LSM14A: variants seen among roughly 807,000 people sequenced by gnomAD.
LSM14A encodes LSM14A mRNA processing body assembly factor, also known as protein LSM14 homolog A.
LSM14A carries 14 observed loss-of-function variants against 52.4 expected under a neutral mutation model. The observed-to-expected ratio is 0.27, with a 90% confidence interval of 0.18 to 0.42. The LOEUF (loss-of-function observed/expected upper bound fraction) is 0.42. Among genes scored for constraint, LSM14A ranks in the 10% least tolerant of loss-of-function variants. The probability of loss-of-function intolerance (pLI) is 1.00; values close to 1 mark genes in which losing one functional copy is unlikely to be tolerated. For synonymous variants in LSM14A, 185 were observed against 200.3 expected (o/e 0.92, Z 0.64); for missense variants, 417 against 581.8 (o/e 0.72, Z 2.91).
intron 4 of LSM14A, among the ~76,000 whole-genome samples, chr19:34,213,245 A>G (rs920784463): frequency 1.3e-5 from 2 of 152,202 alleles, no homozygotes; most frequent in East Asian, 1.9e-4. Flanking sequence ...ATTTCCCATT[A>G]TAATCCAGTG....
At chr19:34,192,520 G>C (rs146732353) in intron 1 of LSM14A, among the ~76,000 whole-genome samples, 2,753 of 149,286 alleles carry the variant, frequency 0.018, 38 homozygotes, top group South Asian at 0.031. Flanking sequence ...AGTAGAGATG[G>C]GGTTTCACCA....
chr19:34,187,622 C>T (rs1419139650), intron 1 of LSM14A, among the ~76,000 whole-genome samples: 2 of 152,132 alleles, frequency 1.3e-5, no homozygotes, highest in Non-Finnish European at 2.9e-5. Flanking sequence ...TTGGAGGGTA[C>T]TAGCTTCACT....
Position 34,197,002 on chromosome 19 carries a change from A to G in LSM14A, c.415+239A>G, listed in dbSNP as rs574080972. Reference sequence around the variant, plus strand: ...TTTTTACTAGGTAAAAAAAAAATGGATATACTAGGTATATCCAATATCTAC... The same window carrying G: ...TTTTTACTAGGTAAAAAAAAAATGGGTATACTAGGTATATCCAATATCTAC... On this transcript the variant is annotated intron_variant, in intron 3 of 9. Coordinates refer to ENST00000544216, the MANE Select transcript of LSM14A (RefSeq NM_015578.4). Among the ~76,000 whole-genome samples the G allele has an allele frequency of 3.3e-5, 5 of 151,978 alleles. No homozygotes were observed. In the South Asian group the frequency reaches 1.0e-3, roughly 32 times the overall value.
At chr19:34,175,358 G>A (rs1321040668) in intron 1 of LSM14A, among the ~76,000 whole-genome samples, 1 of 152,022 alleles carries the variant, frequency 6.6e-6, no homozygotes, top group African/African-American at 2.4e-5. Context: ...AGCCTCCTGA[G>A]TAGCTGGGAT....
intron 2 of LSM14A, among the ~76,000 whole-genome samples, chr19:34,195,882 C>T (rs2070800236): frequency 6.6e-6 from 1 of 152,196 alleles, no homozygotes; most frequent in Admixed American, 6.5e-5. Flanking sequence ...TTCCAATCAT[C>T]ATAAACTTCT....
chr19:34,209,628 TCTCATAATTTTA>T (rs1490410915), intron 4 of LSM14A, among the ~76,000 whole-genome samples: 1 of 152,224 alleles, frequency 6.6e-6, no homozygotes, highest in African/African-American at 2.4e-5. Context: ...AACCAGCCAG[TCTCATAATTTTA>T]AATGGTTATC....
chr19:34,215,782 C>A (rs970872472), intron 6 of LSM14A, 121 bp downstream of exon 6: 11 of 694,072 alleles, frequency 1.6e-5, no homozygotes, highest in Non-Finnish European at 2.7e-5. Flanking sequence ...AAAGGAGGAG[C>A]ACAGGGGAGT....
At position 34,228,669 on chromosome 19, in the gene LSM14A, CTT is replaced by C. The variant is rs1230869414; in HGVS notation, c.*1284_*1285del. On this transcript the variant is annotated 3_prime_UTR_variant, in exon 10 of 10. Coordinates refer to ENST00000544216, the MANE Select transcript of LSM14A (RefSeq NM_015578.4). Reference sequence around the variant, plus strand: ...AGCTCTAGTGGGAAAAATCTGGCCACTTTTGTGTTTTTATGAAGGCCATGGAA... The same window carrying C: ...AGCTCTAGTGGGAAAAATCTGGCCACTTGTGTTTTTATGAAGGCCATGGAA... The C allele has an allele frequency of 1.3e-5, 2 of 152,488 alleles. No homozygotes were observed. Among genetic ancestry groups the C allele is most frequent in the African/African-American group, 2.4e-5 (1 of 41,378 alleles). The allele number at this position is 152,488 out of a possible 1,614,324, so 9.4% of individuals were successfully genotyped here. A position where few individuals can be genotyped will look rare whatever the true frequency, so the allele number is the denominator to read the frequency against.
chr19:34,194,141 C>T (rs1467278252), intron 1 of LSM14A, among the ~76,000 whole-genome samples: 1 of 152,090 alleles, frequency 6.6e-6, no homozygotes, highest in African/African-American at 2.4e-5. Context: ...CCACTGCACT[C>T]CAGCCTAGGG....
intron 9 of LSM14A, among the ~76,000 whole-genome samples, chr19:34,224,397 C>T (rs1651804): frequency 6.6e-6 from 1 of 152,008 alleles, no homozygotes; most frequent in Non-Finnish European, 1.5e-5. Context: ...CTAATACAAA[C>T]ATTTTTTTGA....
chr19:34,203,062 A>G (rs986805982), intron 3 of LSM14A, among the ~76,000 whole-genome samples: 2 of 152,216 alleles, frequency 1.3e-5, no homozygotes, highest in African/African-American at 4.8e-5. Context: ...CTCACAATAA[A>G]TGAAGCATCA....
rs769390431 is a variant in LSM14A, at chr19:34,221,508, G to T, written c.1138G>T (p.Glu380Ter). The change falls in exon 9 of 10, where the codon GAA becomes TAA. Residue 380 changes from glutamate to a stop codon, truncating the protein, a stop_gained and splice_region_variant. Transcript: ENST00000544216. LOFTEE classifies it high-confidence loss of function. ...FDNISCDDNR[E>*]RRPTWAEERR... ...GAAGATTATTTGCTTTTATAATAGAGAACGGAGACCAACCTGGGCTGAAGA... is the reference window on the plus strand; with the variant it reads ...GAAGATTATTTGCTTTTATAATAGATAACGGAGACCAACCTGGGCTGAAGA... 1 of 1,612,894 alleles carries T rather than the reference G, an allele frequency of 6.2e-7. No individual in the cohort carries two copies.
intron 6 of LSM14A, among the ~76,000 whole-genome samples, chr19:34,216,480 A>G (rs980021964): frequency 1.3e-5 from 2 of 150,172 alleles, no homozygotes; most frequent in Admixed American, 6.6e-5. Flanking sequence ...TTTTTCTGAG[A>G]TGGAGTTTCA....
At chr19:34,177,272 ACAT>A (rs1390056029) in intron 1 of LSM14A, among the ~76,000 whole-genome samples, 4 of 152,116 alleles carry the variant, frequency 2.6e-5, no homozygotes, top group Non-Finnish European at 4.4e-5. Flanking sequence ...TTTTTTTAAA[ACAT>A]CATAGAGATA....
intron 6 of LSM14A, 36 bp from the exon 7 acceptor site, chr19:34,219,355 T>C: frequency 1.4e-6 from 2 of 1,479,386 alleles, no homozygotes; most frequent in Non-Finnish European, 1.8e-6. Flanking sequence ...CTATTACATA[T>C]TGAATGTCCT....
chr19:34,192,105 A>C (rs1411253175), intron 1 of LSM14A, among the ~76,000 whole-genome samples: 2 of 152,004 alleles, frequency 1.3e-5, no homozygotes, highest in Admixed American at 1.3e-4. Flanking sequence ...GAATGATACT[A>C]TTTAATAAAA....
chr19:34,214,268 C>G (rs2072400627), intron 4 of LSM14A, among the ~76,000 whole-genome samples: 1 of 151,542 alleles, frequency 6.6e-6, no homozygotes, highest in African/African-American at 2.4e-5. Flanking sequence ...AGAACTTCAC[C>G]TATCTAACTT....
At chr19:34,226,398 T>C (rs976547857) in intron 9 of LSM14A, 4 of 1,384,122 alleles carry the variant, frequency 2.9e-6, no homozygotes, top group East Asian at 2.8e-5. Flanking sequence ...TTTTTTTTTT[T>C]ACCTTTCAGA....
At chr19:34,209,580 C>T (rs2071982104) in intron 4 of LSM14A, among the ~76,000 whole-genome samples, 1 of 152,150 alleles carries the variant, frequency 6.6e-6, no homozygotes, top group Non-Finnish European at 1.5e-5. Context: ...TAATAAGCTT[C>T]TTAAAGGATT....
Sources: allele counts gnomAD v4.1 joint callset (sites outside exome capture counted in the v4.1 genomes callset), GRCh38; gene constraint gnomAD v4.1.1; transcripts MANE v1.5; gene names NCBI Gene and HGNC (gene_info 2026-07-23, HGNC 2026-07-21).